Variants in PLPPR1 observed in about 807,000 individuals in gnomAD.
The protein encoded by PLPPR1 is phospholipid phosphatase-related protein type 1.
In PLPPR1, 10 loss-of-function variants were observed where a neutral mutation model predicts 33.1. That is an observed-to-expected ratio of 0.30 (90% confidence interval 0.19 to 0.51). The LOEUF (loss-of-function observed/expected upper bound fraction) is 0.51. Among genes scored for constraint, PLPPR1 ranks in the 20% least tolerant of loss-of-function variants. The pLI, the probability that PLPPR1 is intolerant of heterozygous loss-of-function variation, is 0.97. For synonymous variants in PLPPR1, 151 were observed against 151.0 expected, an observed-to-expected ratio of 1.00 and a Z score of 0.00; for missense variants, 304 against 408.1, an observed-to-expected ratio of 0.74 and a Z score of 2.20.
In PLPPR1 at chr9:101,315,400, C is replaced by T. The variant is rs190731631; in HGVS notation, c.814-1965C>T. 4.6e-5 allele frequency among the ~76,000 whole-genome samples: 7 copies of T among 152,248 alleles called. No individual in the cohort carries two copies. The South Asian group carries it at 6.2e-4, about 14-fold the overall frequency. On this transcript the variant is annotated intron_variant, in intron 6 of 7. Transcript: ENST00000374874. ...TGTTGCTGACCATCAGTTCTAAAGCCGCCATCCCCAGTTAGAGAGGAAGAG... is the reference window on the plus strand; with the variant it reads ...TGTTGCTGACCATCAGTTCTAAAGCTGCCATCCCCAGTTAGAGAGGAAGAG...
intron 3 of PLPPR1, among the ~76,000 whole-genome samples, chr9:101,277,296 G>C (rs1372607061): frequency 1.3e-5 from 2 of 152,180 alleles, no homozygotes; most frequent in Admixed American, 1.3e-4. Context: ...CAGAGTGTTA[G>C]AATATCTAGA....
chr9:101,029,987 G>A (rs1253403186), intron 1 of PLPPR1, among the ~76,000 whole-genome samples: 1 of 152,008 alleles, frequency 6.6e-6, no homozygotes, highest in African/African-American at 2.4e-5. Flanking sequence ...TCTTTGTGGG[G>A]ATGTCGGGTT....
In PLPPR1 at chr9:101,323,611, G is replaced by A. The variant is rs140834568; in HGVS notation, c.946-414G>A. 4.9e-3 allele frequency among the ~76,000 whole-genome samples: 749 copies of A among 152,156 alleles called. 5 individuals carry two copies. Among genetic ancestry groups the A allele is most frequent in the African/African-American group, 0.017 (697 of 41,524 alleles). ...TCCCAGCACTTTGGGAGGCTGGGGC[G>A]GGTGGATCACCTGAGGTCGGGAGTT... On this transcript the variant is annotated intron_variant, in intron 7 of 7. Transcript: ENST00000374874.
intron 1 of PLPPR1, among the ~76,000 whole-genome samples, chr9:101,171,761 A>G (rs945760113): frequency 6.6e-6 from 1 of 152,164 alleles, no homozygotes; most frequent in African/African-American, 2.4e-5. Flanking sequence ...AGATTTTTCT[A>G]GCTTTGAGAA....
chr9:101,255,571 C>G (rs1243924427), intron 2 of PLPPR1, among the ~76,000 whole-genome samples: 1 of 151,940 alleles, frequency 6.6e-6, no homozygotes, highest in African/African-American at 2.4e-5. Flanking sequence ...GAACAGAATG[C>G]CTTGAAGTTT....
At chr9:101,041,659 C>A (rs1053505693) in intron 1 of PLPPR1, among the ~76,000 whole-genome samples, 1 of 152,048 alleles carries the variant, frequency 6.6e-6, no homozygotes, top group African/African-American at 2.4e-5. Flanking sequence ...CCAGAGGCAG[C>A]TCTGTGGAGG....
At chr9:101,164,251 CTG>C (rs1825816070) in intron 1 of PLPPR1, among the ~76,000 whole-genome samples, 1 of 152,082 alleles carries the variant, frequency 6.6e-6, no homozygotes, top group East Asian at 1.9e-4. Flanking sequence ...CTTAAACTCT[CTG>C]TAAATGTTTC....
chr9:101,174,498 G>C (rs1825990603), intron 1 of PLPPR1, among the ~76,000 whole-genome samples: 1 of 152,142 alleles, frequency 6.6e-6, no homozygotes. Context: ...AGGTCATGGA[G>C]ACCCTTTTGA....
At chr9:101,245,363 T>C (rs1026226820) in intron 2 of PLPPR1, among the ~76,000 whole-genome samples, 3 of 152,014 alleles carry the variant, frequency 2.0e-5, no homozygotes, top group Non-Finnish European at 2.9e-5. Context: ...ACCATTTTTA[T>C]TTAAATATAT....
intron 1 of PLPPR1, among the ~76,000 whole-genome samples, chr9:101,089,089 C>T (rs774878153): frequency 2.0e-5 from 3 of 152,026 alleles, no homozygotes; most frequent in Non-Finnish European, 4.4e-5. Flanking sequence ...AGGAGACTGG[C>T]GTATAATAGT....
At chr9:101,305,310 C>T (rs140420496) in intron 4 of PLPPR1, among the ~76,000 whole-genome samples, 77 of 152,074 alleles carry the variant, frequency 5.1e-4, no homozygotes, top group African/African-American at 1.8e-3. Flanking sequence ...AACAGTGGAC[C>T]CCTCTCACTC....
At chr9:101,095,770 G>A (rs1158934825) in intron 1 of PLPPR1, among the ~76,000 whole-genome samples, 1 of 152,100 alleles carries the variant, frequency 6.6e-6, no homozygotes, top group Non-Finnish European at 1.5e-5. Flanking sequence ...ATTGGAGGAG[G>A]AAACACTTGG....
At chr9:101,115,384 A>G (rs1227780886) in intron 1 of PLPPR1, among the ~76,000 whole-genome samples, 1 of 152,196 alleles carries the variant, frequency 6.6e-6, no homozygotes, top group African/African-American at 2.4e-5. Context: ...TCAATATGCA[A>G]GTATTTATTG....
intron 1 of PLPPR1, among the ~76,000 whole-genome samples, chr9:101,168,180 G>C (rs2118684771): frequency 6.6e-6 from 1 of 152,188 alleles, no homozygotes; most frequent in East Asian, 1.9e-4. Flanking sequence ...TTCTAATTCT[G>C]TCCTAAAGGA....
intron 1 of PLPPR1, among the ~76,000 whole-genome samples, chr9:101,093,945 T>G (rs1181673144): frequency 1.3e-5 from 2 of 152,186 alleles, no homozygotes; most frequent in Non-Finnish European, 2.9e-5. Context: ...TCCCAACCCC[T>G]TGTTCATGTG....
At chr9:101,119,917 T>C (rs1831159027) in intron 1 of PLPPR1, among the ~76,000 whole-genome samples, 2 of 152,208 alleles carry the variant, frequency 1.3e-5, no homozygotes, top group South Asian at 4.1e-4. Context: ...GCTAGTGCCA[T>C]ACATAGGTGA....
intron 1 of PLPPR1, among the ~76,000 whole-genome samples, chr9:101,043,056 C>A (rs149036072): frequency 2.0e-5 from 3 of 152,054 alleles, no homozygotes; most frequent in Non-Finnish European, 2.9e-5. Context: ...TCTCTCACCC[C>A]CTTCCCACCC....
At chr9:101,075,559 G>A (rs1187373416) in intron 1 of PLPPR1, among the ~76,000 whole-genome samples, 1 of 152,154 alleles carries the variant, frequency 6.6e-6, no homozygotes, top group African/African-American at 2.4e-5. Flanking sequence ...AGAGTCATTT[G>A]GTGCCTAGTG....
chr9:101,109,547 G>A (rs1831024859), intron 1 of PLPPR1, among the ~76,000 whole-genome samples: 1 of 152,152 alleles, frequency 6.6e-6, no homozygotes, highest in Admixed American at 6.5e-5. Context: ...TACACAGGAA[G>A]TATTCAAAAT....
Sources: gnomAD v4.1 joint callset for allele counts (sites outside exome capture counted in the v4.1 genomes callset) on GRCh38, gnomAD v4.1.1 for gene constraint, MANE v1.5 for transcripts, NCBI Gene and HGNC (gene_info 2026-07-23, HGNC 2026-07-21) for gene names.